C3orf20: variants seen among roughly 807,000 people sequenced by gnomAD.
The protein encoded by C3orf20 is uncharacterized protein C3orf20.
C3orf20 carries 76 observed loss-of-function variants against 88.3 expected under a neutral mutation model. That is an observed-to-expected ratio of 0.86 (90% CI 0.72 to 1.04). The LOEUF (loss-of-function observed/expected upper bound fraction) is 1.04, where lower values mean the gene tolerates loss of function less well. C3orf20 is among the 50% of genes least tolerant of loss of function. The pLI is 0.00. For missense variants in C3orf20, 1,056 were observed against 1,123.3 expected (o/e 0.94, Z 0.86); for synonymous variants, 436 against 437.4 (o/e 1.00, Z 0.04).
intron 15 of C3orf20, chr3:14,765,488 T>G (rs2035677724): frequency 6.6e-6 from 1 of 152,176 alleles, no homozygotes; most frequent in South Asian, 2.1e-4. Context: ...TGTCCTCCGT[T>G]TACTGAGGGA....
intron 15 of C3orf20, among the ~76,000 whole-genome samples, chr3:14,762,459 G>A (rs1013070021): frequency 7.2e-5 from 11 of 152,230 alleles, no homozygotes; most frequent in African/African-American, 2.4e-4. Context: ...GGGAACATGA[G>A]CAGATTTGAG....
chr3:14,757,301 A>AG, intron 12 of C3orf20, 70 bp from the exon 13 acceptor site: 1 of 1,368,400 alleles, frequency 7.3e-7, no homozygotes, highest in Non-Finnish European at 1.0e-6. Flanking sequence ...AGCAGGAGCC[A>AG]GGGGGCTCTG....
chr3:14,764,842 T>C (rs1025354132), intron 15 of C3orf20: 1 of 152,242 alleles, frequency 6.6e-6, no homozygotes, highest in Non-Finnish European at 1.5e-5. Context: ...TCATGCAGCA[T>C]TACACATTCC....
chr3:14,772,878 C>T lies in C3orf20; in HGVS notation c.*3C>T, dbSNP rs895364422. The T allele has an allele frequency of 6.2e-7, 1 of 1,612,964 alleles. No individual in the cohort carries two copies. Among genetic ancestry groups the T allele is most frequent in the Non-Finnish European group, 8.5e-7 (1 of 1,179,208 alleles). The stretch of plus-strand genomic sequence containing the variant: ...AGAAGCAGGCCTCCAAGAAGTAGCG[C>T]CATCCTGGCAGCAGCCAAGTGAGCC... On this transcript the variant is annotated 3_prime_UTR_variant, in exon 17 of 17. Coordinates refer to ENST00000253697, the MANE Select transcript of C3orf20 (RefSeq NM_032137.5). This position sits in a 1 kb window ranked among gnomAD's most constrained non-coding sequence, Gnocchi z 4.2.
rs763568317 is a variant in C3orf20 at position 14,682,775 on chromosome 3, T to C, written c.62T>C (p.Leu21Pro). The change falls in exon 3 of 17, where the codon CTA (leucine) becomes CCA (proline). Residue 21 changes from leucine (L) to proline (P), a missense_variant. Leu to Pro is a moderately conservative substitution (Grantham distance 98). Coordinates refer to ENST00000253697, the MANE Select transcript of C3orf20 (RefSeq NM_032137.5). ...YQQYTAMAPK[L>P]LARISKLLMI... ...CAATACACAGCCATGGCCCCCAAGC[T>C]ACTGGCCCGCATCTCCAAACTCCTC... is the stretch of plus-strand genomic sequence containing the variant. 11 of 1,614,146 alleles carry C rather than the reference T, an allele frequency of 6.8e-6. No individual in the cohort carries two copies. In the South Asian group the frequency reaches 1.1e-4, roughly 16 times the overall value.
At chr3:14,691,508 G>A (rs1001687827) in intron 5 of C3orf20, among the ~76,000 whole-genome samples, 5 of 152,326 alleles carry the variant, frequency 3.3e-5, no homozygotes, top group Admixed American at 1.3e-4. Flanking sequence ...GAAGTCCTCC[G>A]TATCCAGGGT....
At chr3:14,740,388 G>A (rs2034866611) in intron 12 of C3orf20, among the ~76,000 whole-genome samples, 1 of 152,054 alleles carries the variant, frequency 6.6e-6, no homozygotes, top group African/African-American at 2.4e-5. Context: ...GTCTTATATG[G>A]GCATGGTTCA....
rs1575108962 is a variant in C3orf20, at chr3:14,704,453, C to A, written c.995C>A (p.Thr332Asn). Residue 332 changes from threonine (T) to asparagine (N), a missense_variant, in exon 7 of 17, where the codon ACC (threonine) becomes AAC (asparagine). Coordinates refer to ENST00000253697, the MANE Select transcript of C3orf20 (RefSeq NM_032137.5). ...LMLARKGDSQ[T>N]PGLHYPPTAG... The stretch of plus-strand genomic sequence containing the variant: ...TTGGCCCGCAAAGGAGACTCTCAGA[C>A]CCCGGGTTTACATTACCCTCCCACT... The A allele has an allele frequency of 1.2e-6, 2 of 1,614,136 alleles. No homozygotes were observed. The highest frequency in any genetic ancestry group is 1.7e-6 in the Non-Finnish European group (2 of 1,180,012).
At chr3:14,675,917 C>T (rs1671528647) in intron 1 of C3orf20, among the ~76,000 whole-genome samples, 1 of 152,052 alleles carries the variant, frequency 6.6e-6, no homozygotes, top group African/African-American at 2.4e-5. Flanking sequence ...GTCTCGAGCT[C>T]CTGACCTCAG....
At chr3:14,691,610 A>G (rs1463460068) in intron 5 of C3orf20, among the ~76,000 whole-genome samples, 1 of 152,180 alleles carries the variant, frequency 6.6e-6, no homozygotes, top group Non-Finnish European at 1.5e-5. Flanking sequence ...GACCACATTC[A>G]TATAACTTTT....
chr3:14,726,776 G>C lies in C3orf20; in HGVS notation c.1567-125G>C. 2.3e-6 allele frequency: 3 copies of C among 1,325,646 alleles called. No individual in the cohort carries two copies. In the South Asian group the frequency reaches 4.0e-5, roughly 18 times the overall value. 82.1% of individuals were successfully genotyped at this position (1,325,646 alleles called of 1,614,324 possible). On this transcript the variant is annotated intron_variant, in intron 10 of 16. Coordinates refer to ENST00000253697, the MANE Select transcript of C3orf20 (RefSeq NM_032137.5). ...CTGAGAGGGAGAGAGGTGTGTTCCA[G>C]GTAGGGGTAGGGGGGCAGGCAATAG...
intron 5 of C3orf20, among the ~76,000 whole-genome samples, chr3:14,699,531 G>T (rs1185507463): frequency 1.3e-5 from 2 of 152,226 alleles, no homozygotes; most frequent in African/African-American, 4.8e-5. Flanking sequence ...GGCCCAGGAT[G>T]TATCTAGAAA....
chr3:14,695,455 T>G (rs921618099), intron 5 of C3orf20, among the ~76,000 whole-genome samples: 1 of 152,098 alleles, frequency 6.6e-6, no homozygotes, highest in African/African-American at 2.4e-5. Flanking sequence ...AGGAAAAGAA[T>G]GTGTATTTTG....
chr3:14,711,320 A>G (rs1359710209), intron 7 of C3orf20, among the ~76,000 whole-genome samples: 1 of 152,128 alleles, frequency 6.6e-6, no homozygotes, highest in Non-Finnish European at 1.5e-5. Flanking sequence ...TCAGTTTTTA[A>G]ATTTATATAT....
chr3:14,731,053 A>G (rs1232678633), intron 12 of C3orf20, among the ~76,000 whole-genome samples: 1 of 152,070 alleles, frequency 6.6e-6, no homozygotes, highest in Admixed American at 6.6e-5. Context: ...TTCCCTATAC[A>G]TACACACACC....
chr3:14,727,102 G>A (rs955434742), intron 11 of C3orf20, 78 bp downstream of exon 11: 15 of 1,502,630 alleles, frequency 1.0e-5, no homozygotes, highest in African/African-American at 6.9e-5. Context: ...CATCTCAAGG[G>A]ACAGACCTTT....
Position 14,701,383 on chromosome 3 carries a change from G to A in C3orf20, c.746-1747G>A, listed in dbSNP as rs569708784. 9.2e-5 allele frequency among the ~76,000 whole-genome samples: 14 copies of A among 152,230 alleles called. No homozygotes were observed. The East Asian group carries it at 2.5e-3, about 27-fold the overall frequency. ...ATCCTCAAATCCAAGGTGAAGTTAA[G>A]CCTGCATACTTCGAGGCTGCAGCTG... On this transcript the variant is annotated intron_variant, in intron 5 of 16. Coordinates refer to ENST00000253697, the MANE Select transcript of C3orf20 (RefSeq NM_032137.5). The surrounding 1 kb of genome is among the most constrained non-coding windows in gnomAD (Gnocchi z 4.6).
chr3:14,748,582 A>G (rs1186578900), intron 12 of C3orf20, among the ~76,000 whole-genome samples: 2 of 152,110 alleles, frequency 1.3e-5, no homozygotes, highest in African/African-American at 4.8e-5. Flanking sequence ...TAATGTAGGC[A>G]TTTACAGCTA....
Position 14,704,562 on chromosome 3 carries a change from AC to A in C3orf20, c.1107del (p.Lys370ArgfsTer66). The A allele has an allele frequency of 6.2e-7, 1 of 1,614,092 alleles. No individual in the cohort carries two copies. Among genetic ancestry groups the A allele is most frequent in the Non-Finnish European group, 8.5e-7 (1 of 1,180,006 alleles). On this transcript the variant is annotated frameshift_variant, in exon 7 of 17. Coordinates refer to ENST00000253697, the MANE Select transcript of C3orf20 (RefSeq NM_032137.5). LOFTEE classifies it high-confidence loss of function. Reference sequence around the variant, plus strand: ...GTCAGCATTGTCAAGAGGGGAAGGCACCCAAGAAGGCCTTCAAGTTTCATTA... The same window carrying A: ...GTCAGCATTGTCAAGAGGGGAAGGCACCAAGAAGGCCTTCAAGTTTCATTA... ...FSQHCQEGKAPKKAFKFHYTF... is the reference protein window; with the variant it reads ...FSQHCQEGKAXKKAFKFHYTF...
Sources: allele counts gnomAD v4.1 joint callset (sites outside exome capture counted in the v4.1 genomes callset), GRCh38; gene constraint gnomAD v4.1.1; non-coding constraint Gnocchi (gnomAD v3.1); transcripts MANE v1.5; gene names NCBI Gene and HGNC (gene_info 2026-07-23, HGNC 2026-07-21).